The following CTNNA3 variants were observed in gnomAD, a reference collection of about 807,000 sequenced individuals.
The protein encoded by CTNNA3 is catenin alpha 3.
CTNNA3 carries 76 observed loss-of-function variants against 95.7 expected under a neutral mutation model. The ratio of observed to expected loss-of-function variants is 0.79; its 90% confidence interval spans 0.66 to 0.96. The LOEUF (loss-of-function observed/expected upper bound fraction) is 0.96. Ranked by LOEUF, CTNNA3 falls within the 40% of genes least tolerant of loss-of-function variation. CTNNA3 has a pLI of 0.00. For synonymous variants in CTNNA3, 431 were observed against 374.4 expected, an observed-to-expected ratio of 1.15 and a Z score of -1.74; for missense variants, 1,191 against 1,089.8, an observed-to-expected ratio of 1.09 and a Z score of -1.31.
intron 3 of CTNNA3, among the ~76,000 whole-genome samples, chr10:67,554,238 G>A (rs769389513): frequency 2.0e-5 from 3 of 152,276 alleles, no homozygotes; most frequent in Non-Finnish European, 4.4e-5. Context: ...ATGTGTCTTT[G>A]TAGCAGCATG....
At chr10:66,659,412 G>C (rs1846180602) in intron 9 of CTNNA3, among the ~76,000 whole-genome samples, 1 of 152,098 alleles carries the variant, frequency 6.6e-6, no homozygotes. Context: ...GTTTTATTTA[G>C]AAGGAGCTCA....
chr10:67,041,190 C>G (rs1367758157), intron 7 of CTNNA3, among the ~76,000 whole-genome samples: 1 of 152,092 alleles, frequency 6.6e-6, no homozygotes, highest in East Asian at 1.9e-4. Context: ...GCAAATAGTA[C>G]TGAAGAAAAT....
chr10:67,536,619 C>G (rs991596833), intron 4 of CTNNA3, among the ~76,000 whole-genome samples: 2 of 152,034 alleles, frequency 1.3e-5, no homozygotes, highest in African/African-American at 4.8e-5. Context: ...AGTATGGTTT[C>G]AGAAATTTCC....
intron 12 of CTNNA3, among the ~76,000 whole-genome samples, chr10:66,304,059 A>G (rs948440495): frequency 1.3e-5 from 2 of 152,162 alleles, no homozygotes; most frequent in African/African-American, 4.8e-5. Flanking sequence ...CCAGAAAAAT[A>G]AAAACAACCC....
chr10:67,651,826 T>G (rs1839886129), intron 1 of CTNNA3, among the ~76,000 whole-genome samples: 2 of 152,216 alleles, frequency 1.3e-5, no homozygotes, highest in South Asian at 4.1e-4. Flanking sequence ...TGACTGCTAG[T>G]AATTACTGCC....
intron 11 of CTNNA3, among the ~76,000 whole-genome samples, chr10:66,426,352 A>G (rs4333910): frequency 0.12 from 17,835 of 152,110 alleles, 1,517 homozygotes; most frequent in African/African-American, 0.24. Flanking sequence ...GATTTATTTA[A>G]AGGTAGAAGT....
At chr10:66,682,400 C>T (rs974132539) in intron 9 of CTNNA3, among the ~76,000 whole-genome samples, 6 of 151,774 alleles carry the variant, frequency 4.0e-5, no homozygotes, top group African/African-American at 1.5e-4. Flanking sequence ...TAATGCAACA[C>T]AAACATAGAG....
intron 5 of CTNNA3, among the ~76,000 whole-genome samples, chr10:67,392,233 A>G (rs1844527854): frequency 6.6e-6 from 1 of 152,228 alleles, no homozygotes; most frequent in Non-Finnish European, 1.5e-5. Context: ...ACCCCATCAA[A>G]AAGTGGGCAA....
intron 12 of CTNNA3, among the ~76,000 whole-genome samples, chr10:66,289,897 A>G (rs535444648): frequency 6.6e-6 from 1 of 152,168 alleles, no homozygotes; most frequent in South Asian, 2.1e-4. Flanking sequence ...CTATAAAATG[A>G]AAAAGTTGGT....
At chr10:66,547,218 C>A (rs762896188) in intron 10 of CTNNA3, among the ~76,000 whole-genome samples, 1 of 151,920 alleles carries the variant, frequency 6.6e-6, no homozygotes, top group Non-Finnish European at 1.5e-5. Context: ...TAACAAAACA[C>A]GTCACACGAC....
At chr10:66,186,281 A>AGT (rs60910774) in intron 13 of CTNNA3, among the ~76,000 whole-genome samples, 13,823 of 149,570 alleles carry the variant, frequency 0.092, 738 homozygotes, top group African/African-American at 0.15. Flanking sequence ...ATAAAATGTG[A>AGT]GTGTGTGTGT....
At chr10:66,471,197 G>A (rs1839117136) in intron 11 of CTNNA3, among the ~76,000 whole-genome samples, 1 of 151,694 alleles carries the variant, frequency 6.6e-6, no homozygotes, top group Non-Finnish European at 1.5e-5. Context: ...AAAAATTCTA[G>A]AATGCTTCTA....
At chr10:67,582,883 C>T (rs1842461046) in intron 3 of CTNNA3, among the ~76,000 whole-genome samples, 1 of 151,808 alleles carries the variant, frequency 6.6e-6, no homozygotes, top group African/African-American at 2.4e-5. Flanking sequence ...GATTGCAACC[C>T]CTGCCTTTTT....
chr10:66,006,660 C>T (rs1166305462), intron 15 of CTNNA3, among the ~76,000 whole-genome samples: 1 of 152,124 alleles, frequency 6.6e-6, no homozygotes, highest in Non-Finnish European at 1.5e-5. Context: ...TCCAGCTTCG[C>T]TTTAAACCAC....
chr10:66,251,012 T>G (rs1455237206), intron 13 of CTNNA3, among the ~76,000 whole-genome samples: 2 of 152,184 alleles, frequency 1.3e-5, no homozygotes, highest in Non-Finnish European at 2.9e-5. Flanking sequence ...CATTGATTAT[T>G]CCAGATGATT....
intron 12 of CTNNA3, among the ~76,000 whole-genome samples, chr10:66,363,042 CACGGTTTCTTCT>C (rs1436094352): frequency 6.6e-6 from 1 of 152,134 alleles, no homozygotes; most frequent in African/African-American, 2.4e-5. Context: ...GTATAAAATA[CACGGTTTCTTCT>C]ACCATTGTAT....
At chr10:66,346,246 T>TATATATAGAG (rs1416945569) in intron 12 of CTNNA3, among the ~76,000 whole-genome samples, 15 of 27,774 alleles carry the variant, frequency 5.4e-4, no homozygotes, top group South Asian at 1.4e-3. Context: ...TATATATATA[T>TATATATAGAG]AGAGAGAGAG....
intron 13 of CTNNA3, among the ~76,000 whole-genome samples, chr10:66,237,190 A>C (rs914985660): frequency 3.3e-5 from 5 of 152,176 alleles, no homozygotes; most frequent in Non-Finnish European, 5.9e-5. Context: ...ATTATAAAAA[A>C]GGAAAGAGAT....
chr10:66,128,984 G>A (rs1453198222), intron 13 of CTNNA3, among the ~76,000 whole-genome samples: 1 of 152,066 alleles, frequency 6.6e-6, no homozygotes, highest in Admixed American at 6.6e-5. Context: ...AAAAAACTTG[G>A]CTGGGCGCAG....
Sources: gnomAD v4.1 joint callset for allele counts (sites outside exome capture counted in the v4.1 genomes callset) on GRCh38, gnomAD v4.1.1 for gene constraint, MANE v1.5 for transcripts, NCBI Gene and HGNC (gene_info 2026-07-23, HGNC 2026-07-21) for gene names.